Variants in ZNF169 observed in about 807,000 individuals in gnomAD.
ZNF169 encodes zinc finger protein 169.
A neutral mutation model predicts 12.0 loss-of-function variants in ZNF169; 11 were observed. That is an observed-to-expected ratio of 0.92 (90% CI 0.58 to 1.52). ZNF169 has a LOEUF of 1.52. Among genes scored for constraint, ZNF169 ranks in the 40% most tolerant of loss-of-function variants. ZNF169 has a pLI of 0.00. For synonymous variants in ZNF169, 302 were observed against 286.5 expected (o/e 1.05, Z -0.55); for missense variants, 722 against 744.0 (o/e 0.97, Z 0.34).
chr9:94,264,984 C>A (rs1351348531), intron 1 of ZNF169, among the ~76,000 whole-genome samples: 2 of 87,276 alleles, frequency 2.3e-5, no homozygotes, highest in Non-Finnish European at 4.9e-5. Flanking sequence ...TTCCAGGGTT[C>A]TTTTACTAGG....
rs1564091221 is a variant in ZNF169 at position 94,292,389 on chromosome 9, TG to T, written c.84del (p.Trp28Ter). 6.2e-7 allele frequency: 1 copy of T among 1,613,692 alleles called. No individual in the cohort carries two copies. Among genetic ancestry groups the T allele is most frequent in the East Asian group, 2.2e-5 (1 of 44,850 alleles). ...GGCTGTGGCCTTCACCCAGAAGGAG[TG>T]GAAGCTATTGAGTTCTGCTCAGAGG... ...DVAVAFTQKEWKLLSSAQRTL... is the reference protein window; with the variant it reads ...DVAVAFTQKEXKLLSSAQRTL... On this transcript the variant is annotated frameshift_variant, in exon 3 of 5. Coordinates refer to ENST00000395395, the MANE Select transcript of ZNF169 (RefSeq NM_194320.4). LOFTEE classifies it high-confidence loss of function.
intron 1 of ZNF169, among the ~76,000 whole-genome samples, chr9:94,267,649 A>G (rs1245844755): frequency 6.6e-6 from 1 of 152,228 alleles, no homozygotes. Context: ...AGGATTAGCA[A>G]TATTTTAAGC....
intron 4 of ZNF169, among the ~76,000 whole-genome samples, chr9:94,298,471 A>G (rs922619138): frequency 3.2e-4 from 49 of 152,196 alleles, no homozygotes; most frequent in Non-Finnish European, 6.5e-4. Context: ...ACCTAAGGTC[A>G]GGAGTTCGAG....
intron 1 of ZNF169, among the ~76,000 whole-genome samples, chr9:94,274,551 A>G (rs1830488237): frequency 6.6e-6 from 1 of 152,150 alleles, no homozygotes; most frequent in Non-Finnish European, 1.5e-5. Flanking sequence ...TTACAATGGG[A>G]TTATGTCCCA....
chr9:94,260,489 G>A (rs988476678), intron 1 of ZNF169, among the ~76,000 whole-genome samples: 1 of 152,124 alleles, frequency 6.6e-6, no homozygotes, highest in Non-Finnish European at 1.5e-5. Flanking sequence ...ATAGTGGGGG[G>A]GGGGACGGCT....
chr9:94,288,907 G>T (rs144990949), intron 2 of ZNF169, among the ~76,000 whole-genome samples: 1 of 152,188 alleles, frequency 6.6e-6, no homozygotes, highest in Non-Finnish European at 1.5e-5. Context: ...AGAAGAACAT[G>T]GTAAGGAAGA....
At position 94,266,913 on chromosome 9, in the gene ZNF169, CTTTTT is replaced by C. The variant is rs35671526; in HGVS notation, c.-56+7578_-56+7582del. ...AAGAATAATTATTTTTCGTGTAGGC[CTTTTT>C]TTTTTTTTTAAGACAGAGTCTCACT... On this transcript the variant is annotated intron_variant, in intron 1 of 4. Coordinates refer to ENST00000395395, the MANE Select transcript of ZNF169 (RefSeq NM_194320.4). 3.1e-3 allele frequency among the ~76,000 whole-genome samples: 428 copies of C among 140,100 alleles called. 3 individuals carry two copies. The highest frequency in any genetic ancestry group is 4.6e-3 in the Non-Finnish European group (302 of 65,354). 91.9% of individuals were successfully genotyped at this position (140,100 alleles called of 152,430 possible). A position where few individuals can be genotyped will look rare whatever the true frequency, so the allele number is the denominator to read the frequency against.
At chr9:94,268,123 G>A (rs1301595767) in intron 1 of ZNF169, among the ~76,000 whole-genome samples, 1 of 151,868 alleles carries the variant, frequency 6.6e-6, no homozygotes, top group Non-Finnish European at 1.5e-5. Flanking sequence ...GCCCACCTCG[G>A]CCTCCCAAAG....
Position 94,292,388 on chromosome 9 carries a change from G to A in ZNF169, c.81G>A (p.Glu27=). ...TGGCTGTGGCCTTCACCCAGAAGGAGTGGAAGCTATTGAGTTCTGCTCAGA... is the reference window on the plus strand; with the variant it reads ...TGGCTGTGGCCTTCACCCAGAAGGAATGGAAGCTATTGAGTTCTGCTCAGA... ...RDVAVAFTQK[E]WKLLSSAQRT... Residue 27 remains glutamate (E), a synonymous_variant, in exon 3 of 5, where the codon GAG becomes GAA. Coordinates refer to ENST00000395395, the MANE Select transcript of ZNF169 (RefSeq NM_194320.4). 6.2e-7 allele frequency: 1 copy of A among 1,614,192 alleles called. No individual in the cohort carries two copies.
intron 4 of ZNF169, chr9:94,293,425 TA>T: frequency 3.4e-6 from 2 of 583,738 alleles, no homozygotes; most frequent in South Asian, 2.1e-5. Context: ...TTTTTATTTT[TA>T]TTTTTTTTGA....
At chr9:94,287,322 A>C (rs1830735083) in intron 2 of ZNF169, among the ~76,000 whole-genome samples, 1 of 152,166 alleles carries the variant, frequency 6.6e-6, no homozygotes, top group Non-Finnish European at 1.5e-5. Flanking sequence ...ACATTAAAAG[A>C]TACACTAAAT....
intron 2 of ZNF169, among the ~76,000 whole-genome samples, chr9:94,284,521 GAA>G (rs1830689481): frequency 6.6e-6 from 1 of 152,154 alleles, no homozygotes; most frequent in African/African-American, 2.4e-5. Context: ...CATCCACAGA[GAA>G]AATTGTTAGA....
In ZNF169 at chr9:94,278,210, G is replaced by A. The variant is rs561559806; in HGVS notation, c.-55-548G>A. Among the ~76,000 whole-genome samples the A allele has an allele frequency of 3.3e-5, 5 of 152,274 alleles. No homozygotes were observed. In the East Asian group the frequency reaches 7.7e-4, roughly 23 times the overall value. On this transcript the variant is annotated intron_variant, in intron 1 of 4. Transcript: ENST00000395395. ...AAACTAGGTCAGTTACTGACTGCCTGTTCCTAAATTCCAAGTCACATTTCA... is the reference window on the plus strand; with the variant it reads ...AAACTAGGTCAGTTACTGACTGCCTATTCCTAAATTCCAAGTCACATTTCA...
chr9:94,293,381 C>G, intron 4 of ZNF169: 1 of 604,598 alleles, frequency 1.7e-6, no homozygotes, highest in South Asian at 2.2e-5. Flanking sequence ...CAGTACCTGT[C>G]CTTTGAGACT....
intron 1 of ZNF169, among the ~76,000 whole-genome samples, chr9:94,277,856 C>T (rs1478954826): frequency 1.3e-5 from 2 of 150,766 alleles, no homozygotes; most frequent in African/African-American, 4.9e-5. Flanking sequence ...GGCGTGAACC[C>T]GGGAGGCGGA....
intron 2 of ZNF169, among the ~76,000 whole-genome samples, chr9:94,280,689 A>T (rs1830613898): frequency 6.6e-6 from 1 of 152,212 alleles, no homozygotes; most frequent in Non-Finnish European, 1.5e-5. Context: ...TTCCTGACGC[A>T]GGTAGCCTCA....
At chr9:94,280,844 G>A (rs1830617868) in intron 2 of ZNF169, among the ~76,000 whole-genome samples, 1 of 152,144 alleles carries the variant, frequency 6.6e-6, no homozygotes, top group African/African-American at 2.4e-5. Flanking sequence ...GATGATTCAG[G>A]CCAGAGCAGG....
intron 4 of ZNF169, 54 bp from the exon 5 acceptor site, chr9:94,299,761 A>G (rs1471424287): frequency 4.5e-6 from 7 of 1,548,214 alleles, no homozygotes; most frequent in Non-Finnish European, 6.1e-6. Context: ...CTGGGCAGGT[A>G]TTACAATCCA....
At chr9:94,297,881 C>T (rs1439911671) in intron 4 of ZNF169, among the ~76,000 whole-genome samples, 1 of 152,050 alleles carries the variant, frequency 6.6e-6, no homozygotes, top group Non-Finnish European at 1.5e-5. Flanking sequence ...AAATTTGTTC[C>T]AGGGGCTGGG....
Sources: gnomAD v4.1 joint callset for allele counts (sites outside exome capture counted in the v4.1 genomes callset) on GRCh38, gnomAD v4.1.1 for gene constraint, MANE v1.5 for transcripts, NCBI Gene and HGNC (gene_info 2026-07-23, HGNC 2026-07-21) for gene names.